Variants in IL18R1 observed in about 807,000 individuals in gnomAD.
IL18R1 encodes the protein interleukin-18 receptor 1.
A neutral mutation model predicts 48.5 loss-of-function variants in IL18R1; 40 were observed. The observed-to-expected ratio is 0.82, with a 90% confidence interval of 0.64 to 1.07. The LOEUF (loss-of-function observed/expected upper bound fraction) is 1.07. Among genes scored for constraint, IL18R1 ranks in the 50% least tolerant of loss-of-function variants. IL18R1 has a pLI of 0.00. For missense variants in IL18R1, 596 were observed against 633.7 expected, an observed-to-expected ratio of 0.94 and a Z score of 0.64; for synonymous variants, 232 against 225.9, an observed-to-expected ratio of 1.03 and a Z score of -0.24.
intron 1 of IL18R1, among the ~76,000 whole-genome samples, chr2:102,357,753 T>C (rs975529889): frequency 2.0e-5 from 3 of 151,982 alleles, no homozygotes; most frequent in Non-Finnish European, 4.4e-5. Context: ...ATAGGCAGAT[T>C]TGGGGGGAAG....
chr2:102,361,251 G>A lies in IL18R1; in HGVS notation c.-28-1382G>A, dbSNP rs143837985. 3.0e-3 allele frequency among the ~76,000 whole-genome samples: 461 copies of A among 152,250 alleles called. 3 individuals carry two copies. The East Asian group carries it at 0.032, about 11-fold the overall frequency. On this transcript the variant is annotated intron_variant, in intron 1 of 10. Transcript: ENST00000233957. ...ATAAAATGTGTGTGGAGGTAGTGGG[G>A]GAGGTTTCAAACCATAGACCCAGTC...
At chr2:102,368,670 C>T (rs749822063) in intron 3 of IL18R1, among the ~76,000 whole-genome samples, 2 of 152,132 alleles carry the variant, frequency 1.3e-5, no homozygotes, top group Non-Finnish European at 1.5e-5. Flanking sequence ...CCAGAATACT[C>T]GAAATTGGGT....
chr2:102,371,302 G>A (rs772054309), intron 3 of IL18R1, among the ~76,000 whole-genome samples: 3 of 152,132 alleles, frequency 2.0e-5, no homozygotes, highest in Non-Finnish European at 2.9e-5. Context: ...TGGGATTACA[G>A]GTGTGAGCCA....
chr2:102,390,295 T>A, intron 9 of IL18R1, 78 bp downstream of exon 9: 1 of 1,277,924 alleles, frequency 7.8e-7, no homozygotes, highest in Non-Finnish European at 1.1e-6. Context: ...ATCTTCATCT[T>A]ATTGTGATGA....
At chr2:102,394,379 T>C (rs760756582) in intron 9 of IL18R1, 90 bp from the exon 10 acceptor site, 1 of 1,083,300 alleles carries the variant, frequency 9.2e-7, no homozygotes. Flanking sequence ...TCAATGATTC[T>C]ATACTCATTA....
intron 1 of IL18R1, among the ~76,000 whole-genome samples, chr2:102,357,464 C>A (rs542675284): frequency 6.7e-6 from 1 of 149,452 alleles, no homozygotes; most frequent in Non-Finnish European, 1.5e-5. Context: ...GCACTCCAGC[C>A]TGGGCGACAG....
At chr2:102,375,391 C>G (rs942349248) in intron 4 of IL18R1, among the ~76,000 whole-genome samples, 2 of 152,142 alleles carry the variant, frequency 1.3e-5, no homozygotes. Flanking sequence ...CTAATCAGCT[C>G]GCTGGCTTCT....
chr2:102,388,409 T>C (rs908547103), intron 8 of IL18R1, among the ~76,000 whole-genome samples: 16 of 152,216 alleles, frequency 1.1e-4, no homozygotes, highest in African/African-American at 3.9e-4. Context: ...ATCTGGAATC[T>C]GTGTTCTTAC....
chr2:102,367,637 G>A (rs1678983441), intron 2 of IL18R1, among the ~76,000 whole-genome samples, 188 bp from the exon 3 acceptor site: 1 of 152,034 alleles, frequency 6.6e-6, no homozygotes, highest in Admixed American at 6.6e-5. Context: ...TTCTGAAAGT[G>A]CCTTATCCTT....
intron 5 of IL18R1, among the ~76,000 whole-genome samples, chr2:102,381,188 G>A (rs115268041): frequency 7.3e-4 from 111 of 152,300 alleles, no homozygotes; most frequent in African/African-American, 2.4e-3. Context: ...GCAAGGGAAC[G>A]GTGGGCACAT....
chr2:102,386,785 G>A, intron 7 of IL18R1, 76 bp from the exon 8 acceptor site: 2 of 1,450,880 alleles, frequency 1.4e-6, no homozygotes, highest in Middle Eastern at 1.8e-4. Flanking sequence ...CTGCCTTCAA[G>A]CATTTTAAAC....
Position 102,386,986 on chromosome 2 carries a change from T to G in IL18R1, c.935T>G (p.Ile312Ser). The change falls in exon 8 of 11, where the codon ATC becomes AGC. Residue 312 changes from isoleucine to serine, a missense_variant. Physicochemically the swap from Ile to Ser is moderately radical, Grantham distance 142. Coordinates refer to ENST00000233957, the MANE Select transcript of IL18R1 (RefSeq NM_003855.5). Reference sequence around the variant, plus strand: ...GGAGGCACAGACACCAAAAGCTTCATCTTGGTGAGAAAAGGTGAGAAAGAT... The same window carrying G: ...GGAGGCACAGACACCAAAAGCTTCAGCTTGGTGAGAAAAGGTGAGAAAGAT... ...STGGTDTKSFILVRKADMADI... is the reference protein window; with the variant it reads ...STGGTDTKSFSLVRKADMADI... 6.2e-7 allele frequency: 1 copy of G among 1,612,968 alleles called. No homozygotes were observed. Among genetic ancestry groups the G allele is most frequent in the Non-Finnish European group, 8.5e-7 (1 of 1,179,744 alleles).
chr2:102,396,948 C>G lies in IL18R1; in HGVS notation c.*62C>G. The G allele has an allele frequency of 1.1e-6, 1 of 941,966 alleles. No homozygotes were observed. 58.4% of individuals were successfully genotyped at this position (941,966 alleles called of 1,614,324 possible). A position where few individuals can be genotyped will look rare whatever the true frequency, so the allele number is the denominator to read the frequency against. On this transcript the variant is annotated 3_prime_UTR_variant, in exon 11 of 11. Coordinates refer to ENST00000233957, the MANE Select transcript of IL18R1 (RefSeq NM_003855.5). Reference sequence around the variant, plus strand: ...TATTCTGGGGACTGAGCATATGAACCTGTTCATAACAAAGGCTGTGACTCG... The same window carrying G: ...TATTCTGGGGACTGAGCATATGAACGTGTTCATAACAAAGGCTGTGACTCG...
chr2:102,376,072 A>T lies in IL18R1; in HGVS notation c.625+9A>T. On this transcript the variant is annotated intron_variant, in intron 5 of 10. Transcript: ENST00000233957. ...TATAACAATAGTGGAAGGTAAGGGA[A>T]ATCTTAGAATTGGGAAGAAACAGAC... 4.5e-6 allele frequency: 7 copies of T among 1,550,140 alleles called. No individual in the cohort carries two copies. The highest frequency in any genetic ancestry group is 6.1e-6 in the Non-Finnish European group (7 of 1,153,664).
chr2:102,383,692 G>A (rs1680047789), intron 6 of IL18R1, among the ~76,000 whole-genome samples: 1 of 151,740 alleles, frequency 6.6e-6, no homozygotes, highest in African/African-American at 2.4e-5. Flanking sequence ...CTCATAAACT[G>A]CATGTATTTG....
At chr2:102,394,029 G>A (rs531297600) in intron 9 of IL18R1, among the ~76,000 whole-genome samples, 16 of 152,290 alleles carry the variant, frequency 1.1e-4, no homozygotes, top group African/African-American at 3.6e-4. Flanking sequence ...ACCCAATTAG[G>A]AGCATGGTCT....
chr2:102,398,672 T>C lies in IL18R1; in HGVS notation c.*1786T>C, dbSNP rs1174369944. On this transcript the variant is annotated 3_prime_UTR_variant, in exon 11 of 11. Transcript: ENST00000233957. Reference sequence around the variant, plus strand: ...TATACTTGCTTTAAAATACTTGAAATATATTTTGCATTAAATGCATTTCAA... The same window carrying C: ...TATACTTGCTTTAAAATACTTGAAACATATTTTGCATTAAATGCATTTCAA... The C allele has an allele frequency of 6.6e-6, 1 of 152,382 alleles. No homozygotes were observed. The highest frequency in any genetic ancestry group is 2.4e-5 in the African/African-American group (1 of 41,474). 9.4% of individuals were successfully genotyped at this position (152,382 alleles called of 1,614,324 possible).
Position 102,396,829 on chromosome 2 carries a change from AAC to A in IL18R1, c.1571_1572del (p.Thr524SerfsTer5). The A allele has an allele frequency of 1.9e-6, 3 of 1,611,952 alleles. No homozygotes were observed. The highest frequency in any genetic ancestry group is 2.5e-6 in the Non-Finnish European group (3 of 1,179,454). On this transcript the variant is annotated frameshift_variant, in exon 11 of 11. Coordinates refer to ENST00000233957, the MANE Select transcript of IL18R1 (RefSeq NM_003855.5). LOFTEE classifies it low-confidence loss of function (END_TRUNC). ...KNLLYLMPAK[T>X]VKPGRDEPEV... ...ACCTTCTTTACTTAATGCCTGCAAA[AAC>A]AGTCAAGCCAGGTAGAGACGAACCG...
At chr2:102,384,042 G>C (rs1028195621) in intron 6 of IL18R1, among the ~76,000 whole-genome samples, 3 of 152,128 alleles carry the variant, frequency 2.0e-5, no homozygotes, top group African/African-American at 7.2e-5. Context: ...AACAATTAAA[G>C]TGAATACAGT....
Sources: gnomAD v4.1 joint callset for allele counts (sites outside exome capture counted in the v4.1 genomes callset) on GRCh38, gnomAD v4.1.1 for gene constraint, MANE v1.5 for transcripts, NCBI Gene and HGNC (gene_info 2026-07-23, HGNC 2026-07-21) for gene names.